RABL6: variants seen among roughly 807,000 people sequenced by gnomAD.
RABL6 encodes the protein rab-like protein 6.
A neutral mutation model predicts 72.9 loss-of-function variants in RABL6; 28 were observed. The observed-to-expected ratio is 0.38, with a 90% CI of 0.28 to 0.53. The LOEUF is 0.53. Among genes scored for constraint, RABL6 ranks in the 20% least tolerant of loss-of-function variants. RABL6 has a pLI of 0.80. For missense variants in RABL6, 1,029 were observed against 1,008.4 expected, an observed-to-expected ratio of 1.02 and a Z score of -0.28; for synonymous variants, 477 against 421.2, an observed-to-expected ratio of 1.13 and a Z score of -1.62.
At chr9:136,812,430 A>G (rs1193903512) in intron 1 of RABL6, among the ~76,000 whole-genome samples, 1 of 152,088 alleles carries the variant, frequency 6.6e-6, no homozygotes, top group East Asian at 1.9e-4. Flanking sequence ...GTGGTGGCGT[A>G]TGCCTGTAAT....
intron 2 of RABL6, 62 bp from the exon 3 acceptor site, chr9:136,825,717 C>T (rs1410991284): frequency 3.2e-6 from 5 of 1,555,282 alleles, no homozygotes; most frequent in African/African-American, 1.4e-5. Flanking sequence ...CCAGCTGGAC[C>T]GCTTTGTGCC....
intron 1 of RABL6, among the ~76,000 whole-genome samples, chr9:136,811,376 G>A (rs930819963): frequency 6.6e-6 from 1 of 151,990 alleles, no homozygotes; most frequent in Non-Finnish European, 1.5e-5. Context: ...TCAGCACATT[G>A]AGAGGCCGAG....
intron 7 of RABL6, chr9:136,833,115 C>T (rs1209265142): frequency 1.5e-5 from 4 of 272,590 alleles, no homozygotes; most frequent in African/African-American, 1.1e-4. Context: ...GGACCTGAAC[C>T]TCCTCGCCCT....
chr9:136,840,503 G>T lies in RABL6; in HGVS notation c.2171G>T (p.Gly724Val), dbSNP rs1204314529. The change falls in exon 15 of 15, where the codon GGC becomes GTC. Residue 724 changes from glycine (G) to valine (V), a missense_variant. By Grantham distance (109) the Gly-to-Val change is moderately radical (BLOSUM62 -3). Coordinates refer to ENST00000311502, the MANE Select transcript of RABL6 (RefSeq NM_024718.5). ...GAPGGRHPGG[G>V]DYEEL ...CCGGGCGGCCGCCACCCTGGGGGTG[G>T]CGACTACGAGGAGCTCTAGGCCGGC... 1.3e-6 allele frequency: 2 copies of T among 1,529,198 alleles called. No homozygotes were observed. Among genetic ancestry groups the T allele is most frequent in the South Asian group, 2.4e-5 (2 of 81,728 alleles). The allele number at this position is 1,529,198 out of a possible 1,614,324, so 94.7% of individuals were successfully genotyped here.
intron 7 of RABL6, chr9:136,834,397 T>C: frequency 2.0e-6 from 2 of 987,894 alleles, no homozygotes; most frequent in Non-Finnish European, 2.4e-6. Flanking sequence ...GTTCACACAT[T>C]ACATTTGGTT....
intron 1 of RABL6, among the ~76,000 whole-genome samples, chr9:136,822,388 G>T (rs1204592966): frequency 6.6e-6 from 1 of 152,124 alleles, no homozygotes; most frequent in African/African-American, 2.4e-5. Flanking sequence ...GACGGCCAGG[G>T]CTTCTCTCTC....
chr9:136,838,238 G>C (rs1284576292), intron 10 of RABL6, among the ~76,000 whole-genome samples: 2 of 152,230 alleles, frequency 1.3e-5, no homozygotes, highest in Non-Finnish European at 2.9e-5. Context: ...CCCACACCCT[G>C]GAGAGGACAG....
chr9:136,824,622 C>T lies in RABL6; in HGVS notation c.265+963C>T, dbSNP rs574163986. Among the ~76,000 whole-genome samples the T allele has an allele frequency of 3.3e-5, 5 of 151,912 alleles. No individual in the cohort carries two copies. In the South Asian group the frequency reaches 6.2e-4, roughly 19 times the overall value. On this transcript the variant is annotated intron_variant, in intron 2 of 14. Coordinates refer to ENST00000311502, the MANE Select transcript of RABL6 (RefSeq NM_024718.5). ...GGGATTATAGGCGTGAGCCACCACT[C>T]CCACCCAGGGCTGTTTTAAACACCT...
At chr9:136,834,484 T>C in intron 7 of RABL6, 1 of 977,208 alleles carries the variant, frequency 1.0e-6, no homozygotes, top group East Asian at 1.1e-4. Context: ...ATGACTTTAA[T>C]ACACTCTTTT....
chr9:136,833,297 C>T (rs1040919754), intron 7 of RABL6: 5 of 326,874 alleles, frequency 1.5e-5, no homozygotes, highest in Non-Finnish European at 2.9e-5. Context: ...ACCTCCTCGC[C>T]CTGGGCTGCC....
Position 136,837,605 on chromosome 9 carries a change from A to G in RABL6, c.1069A>G (p.Ile357Val). The G allele has an allele frequency of 6.3e-7, 1 of 1,595,836 alleles. No individual in the cohort carries two copies. Among genetic ancestry groups the G allele is most frequent in the Non-Finnish European group, 8.5e-7 (1 of 1,173,408 alleles). The change falls in exon 9 of 15, where the codon ATC becomes GTC. Residue 357 changes from isoleucine to valine, a missense_variant. Ile to Val is a conservative substitution (Grantham distance 29). Transcript: ENST00000311502. ...CPSAPAPRRSIISRLFGTSPA... is the reference protein window; with the variant it reads ...CPSAPAPRRSVISRLFGTSPA... ...CTCAGCCCCCGCCCCACGGCGCAGCATCATCTCTAGGCTGTTTGGGACGTC... is the reference window on the plus strand; with the variant it reads ...CTCAGCCCCCGCCCCACGGCGCAGCGTCATCTCTAGGCTGTTTGGGACGTC...
chr9:136,832,241 A>G (rs1342267504), intron 6 of RABL6, 24 bp from the exon 7 acceptor site: 7 of 1,601,842 alleles, frequency 4.4e-6, no homozygotes, highest in Middle Eastern at 1.7e-4. Flanking sequence ...TTTCTCTTGC[A>G]TCTTTTTTCC....
chr9:136,821,115 CT>C (rs1372215762), intron 1 of RABL6, among the ~76,000 whole-genome samples: 2 of 152,314 alleles, frequency 1.3e-5, no homozygotes, highest in East Asian at 3.9e-4. Flanking sequence ...CATTGGGAGG[CT>C]TTGTTAACAT....
intron 1 of RABL6, chr9:136,810,183 A>AT (rs1162796349): frequency 6.6e-6 from 1 of 152,178 alleles, no homozygotes; most frequent in Non-Finnish European, 1.5e-5. Context: ...TAAGCTCAGT[A>AT]TTAGTCCCTG....
At chr9:136,840,275 C>A in intron 14 of RABL6, 47 bp from the exon 15 acceptor site, 2 of 1,610,734 alleles carry the variant, frequency 1.2e-6, no homozygotes, top group Non-Finnish European at 1.7e-6. Context: ...GGGACCAGGG[C>A]TGTGGCTTCC....
At chr9:136,828,419 TG>T in intron 3 of RABL6, 74 bp from the exon 4 acceptor site, 1 of 1,500,932 alleles carries the variant, frequency 6.7e-7, no homozygotes, top group Non-Finnish European at 9.2e-7. Context: ...TGAGTGGCCA[TG>T]GGGGGACCAT....
At chr9:136,833,514 G>T (rs1246968690) in intron 7 of RABL6, 63 of 601,388 alleles carry the variant, frequency 1.0e-4, no homozygotes, top group Non-Finnish European at 8.5e-5. Flanking sequence ...GAACCTCCTC[G>T]CCCTGGGCTG....
Position 136,822,520 on chromosome 9 carries a change from T to C in RABL6, c.131-1005T>C, listed in dbSNP as rs536205085. 2.0e-3 allele frequency among the ~76,000 whole-genome samples: 312 copies of C among 152,292 alleles called. 4 individuals are homozygous for C. Among genetic ancestry groups the C allele is most frequent in the Non-Finnish European group, 6.2e-4 (42 of 68,010 alleles). On this transcript the variant is annotated intron_variant, in intron 1 of 14. Transcript: ENST00000311502. ...CGCACAGCTTCTCGGTCATTCTCGA[T>C]CCTGTTCTTCCAGCACCTCCGCAGG... is the stretch of plus-strand genomic sequence containing the variant.
intron 3 of RABL6, 111 bp downstream of exon 3, chr9:136,825,937 G>A (rs1564365122): frequency 1.2e-5 from 16 of 1,282,666 alleles, no homozygotes; most frequent in African/African-American, 5.9e-5. Context: ...CCTCGTGGAC[G>A]GTGCCCAGGG....
Sources: gnomAD v4.1 joint callset for allele counts (sites outside exome capture counted in the v4.1 genomes callset) on GRCh38, gnomAD v4.1.1 for gene constraint, MANE v1.5 for transcripts, NCBI Gene and HGNC (gene_info 2026-07-23, HGNC 2026-07-21) for gene names.